Variants in CNGB1 observed in about 807,000 individuals in gnomAD.
CNGB1 encodes cyclic nucleotide gated channel subunit beta 1, also known as cyclic nucleotide-gated channel beta-1.
In CNGB1, 126 loss-of-function variants were observed where a neutral mutation model predicts 151.7. The observed-to-expected ratio is 0.83, with a 90% CI of 0.72 to 0.96. CNGB1 has a LOEUF of 0.96. Among genes scored for constraint, CNGB1 ranks in the 40% least tolerant of loss-of-function variants. The pLI is 0.00. For synonymous variants in CNGB1, 623 were observed against 635.1 expected, an observed-to-expected ratio of 0.98 and a Z score of 0.29; for missense variants, 1,698 against 1,627.0, an observed-to-expected ratio of 1.04 and a Z score of -0.75.
At chr16:57,967,745 T>C (rs1180463384) in intron 1 of CNGB1, among the ~76,000 whole-genome samples, 1 of 152,052 alleles carries the variant, frequency 6.6e-6, no homozygotes, top group Non-Finnish European at 1.5e-5. Flanking sequence ...GATATACATA[T>C]ACACATACAT....
At chr16:57,901,231 C>T (rs1960376154) in intron 29 of CNGB1, 121 bp downstream of exon 29, 1 of 992,572 alleles carries the variant, frequency 1.0e-6, no homozygotes, top group South Asian at 1.3e-5. Flanking sequence ...CGCAGACGCT[C>T]TTCTCCCTCC....
intron 17 of CNGB1, among the ~76,000 whole-genome samples, chr16:57,925,298 C>T (rs564262422): frequency 1.3e-5 from 2 of 152,240 alleles, no homozygotes; most frequent in African/African-American, 2.4e-5. Context: ...CCACCACGCC[C>T]GGCCTCTCTC....
intron 31 of CNGB1, among the ~76,000 whole-genome samples, chr16:57,890,671 G>A (rs980579890): frequency 8.5e-5 from 13 of 152,322 alleles, no homozygotes; most frequent in African/African-American, 3.1e-4. Context: ...GGTCAAGCCG[G>A]AGATCTCAGC....
chr16:57,962,532 A>C (rs774550577), intron 7 of CNGB1, 33 bp downstream of exon 7: 9 of 1,605,464 alleles, frequency 5.6e-6, no homozygotes, highest in Non-Finnish European at 6.8e-6. Context: ...CCACACATAC[A>C]GACAACAGTG....
chr16:57,962,728 G>T, intron 6 of CNGB1, 114 bp downstream of exon 6: 1 of 1,569,786 alleles, frequency 6.4e-7, no homozygotes. Context: ...AGCAGGGTCA[G>T]TCAGGTGAGA....
At chr16:57,929,933 A>G (rs1192018287) in intron 17 of CNGB1, among the ~76,000 whole-genome samples, 4 of 152,078 alleles carry the variant, frequency 2.6e-5, no homozygotes. Context: ...TCCAAAAAAT[A>G]AATAAATAAA....
At chr16:57,953,519 C>T (rs1962013225) in intron 12 of CNGB1, among the ~76,000 whole-genome samples, 1 of 148,584 alleles carries the variant, frequency 6.7e-6, no homozygotes, top group Non-Finnish European at 1.5e-5. Flanking sequence ...AAAAGAAAGT[C>T]AACAGCCTCA....
At chr16:57,908,224 G>A (rs1182189351) in intron 25 of CNGB1, among the ~76,000 whole-genome samples, 2 of 152,206 alleles carry the variant, frequency 1.3e-5, no homozygotes, top group African/African-American at 2.4e-5. Context: ...GCTCCCCCTC[G>A]GGGCAGGGCT....
Position 57,957,375 on chromosome 16 carries a change from C to A in CNGB1, c.840G>T (p.Glu280Asp), listed in dbSNP as rs1485311588. Residue 280 changes from glutamate to aspartate, a missense_variant and splice_region_variant, in exon 12 of 33, where the codon GAG becomes GAT. Physicochemically the swap from Glu to Asp is conservative, Grantham distance 45. Transcript: ENST00000251102. ...CATCACATATCCCAGGGGAGTCAGGCTCCTGCATGGAGAGAGAAAAAAGGG... is the reference window on the plus strand; with the variant it reads ...CATCACATATCCCAGGGGAGTCAGGATCCTGCATGGAGAGAGAAAAAAGGG... ...PVLHGKIGEQ[E>D]PDSPGICDVQ... 1 of 1,614,088 alleles carries A rather than the reference C, an allele frequency of 6.2e-7. No homozygotes were observed. Among genetic ancestry groups the A allele is most frequent in the South Asian group, 1.1e-5 (1 of 91,084 alleles).
At chr16:57,916,239 G>A in intron 21 of CNGB1, 60 bp from the exon 22 acceptor site, 1 of 1,525,810 alleles carries the variant, frequency 6.6e-7, no homozygotes, top group Non-Finnish European at 9.1e-7. Flanking sequence ...TGACCCTGTG[G>A]AGCAATTGTG....
chr16:57,914,358 C>A (rs1225104560), intron 23 of CNGB1, among the ~76,000 whole-genome samples: 1 of 152,192 alleles, frequency 6.6e-6, no homozygotes, highest in East Asian at 1.9e-4. Flanking sequence ...TTCCCCCTTC[C>A]TCTTGGCAGC....
chr16:57,965,106 A>G (rs1962357945), intron 2 of CNGB1, among the ~76,000 whole-genome samples: 1 of 124,354 alleles, frequency 8.0e-6, no homozygotes, highest in African/African-American at 2.8e-5. Context: ...ACATACACAG[A>G]CACATAAATG....
chr16:57,946,907 G>A (rs567875696), intron 14 of CNGB1, among the ~76,000 whole-genome samples: 44 of 152,330 alleles, frequency 2.9e-4, no homozygotes, highest in African/African-American at 1.0e-3. Flanking sequence ...AGATGTTCAC[G>A]CCTGCAGCAT....
Position 57,897,429 on chromosome 16 carries a change from A to G in CNGB1, c.3210T>C (p.Pro1070=), listed in dbSNP as rs1960261764. 6.2e-7 allele frequency: 1 copy of G among 1,614,100 alleles called. No individual in the cohort carries two copies. Among genetic ancestry groups the G allele is most frequent in the Non-Finnish European group, 8.5e-7 (1 of 1,180,036 alleles). ...KDLNEILVHY[P]ESQKLLRKKA... is the part of the protein sequence containing the mutation. ...TCTTCCGGAGTAACTTCTGAGACTC[A>G]GGATAATGCACCAAAATCTCATTCA... The change falls in exon 31 of 33, where the codon CCT becomes CCC. Residue 1070 remains proline (P), a synonymous_variant. Transcript: ENST00000251102.
rs745504458 is a variant in CNGB1, at chr16:57,887,894, C to T, written c.3423G>A (p.Ala1141=). 19 of 1,614,076 alleles carry T rather than the reference C, an allele frequency of 1.2e-5. No individual in the cohort carries two copies. Among genetic ancestry groups the T allele is most frequent in the Admixed American group, 1.7e-5 (1 of 60,006 alleles). Reference sequence around the variant, plus strand: ...CTTGCTGCTTTGCAGCCGCCTCCAGCGCGGCCAGTTCTTTGAGCCGGGCCC... The same window carrying T: ...CTTGCTGCTTTGCAGCCGCCTCCAGTGCGGCCAGTTCTTTGAGCCGGGCCC... ...HLRARLKELA[A]LEAAAKQQEL... is the part of the protein sequence containing the mutation. Residue 1141 remains alanine (A), a synonymous_variant, in exon 32 of 33, where the codon GCG becomes GCA. Coordinates refer to ENST00000251102, the MANE Select transcript of CNGB1 (RefSeq NM_001297.5).
intron 25 of CNGB1, among the ~76,000 whole-genome samples, chr16:57,910,671 G>GA (rs1457150309): frequency 8.5e-6 from 1 of 116,980 alleles, no homozygotes; most frequent in African/African-American, 3.7e-5. Context: ...ACCAAGCCCG[G>GA]CCTTTTTTTT....
Position 57,903,289 on chromosome 16 carries a change from C to T in CNGB1, c.2794+533G>A, listed in dbSNP as rs185458615. On this transcript the variant is annotated intron_variant, in intron 27 of 32. Transcript: ENST00000251102. ...GGCTAATCACCTGAGGTCAGGAGTCCGAGACCAGCCTGGCCAACATGGTGA... is the reference window on the plus strand; with the variant it reads ...GGCTAATCACCTGAGGTCAGGAGTCTGAGACCAGCCTGGCCAACATGGTGA... Among the ~76,000 whole-genome samples the T allele has an allele frequency of 1.9e-3, 293 of 150,774 alleles. 4 individuals are homozygous for T. The South Asian group carries it at 0.034, about 18-fold the overall frequency.
chr16:57,909,013 ACT>A (rs1259419272), intron 25 of CNGB1, among the ~76,000 whole-genome samples: 1 of 152,094 alleles, frequency 6.6e-6, no homozygotes, highest in African/African-American at 2.4e-5. Flanking sequence ...CACACCTGTA[ACT>A]CTAGCACTTT....
chr16:57,921,595 C>T (rs1395295641), intron 18 of CNGB1, among the ~76,000 whole-genome samples: 1 of 152,142 alleles, frequency 6.6e-6, no homozygotes, highest in African/African-American at 2.4e-5. Flanking sequence ...CACTCATTCT[C>T]TCCTGTGGTG....
Sources: gnomAD v4.1 joint callset for allele counts (sites outside exome capture counted in the v4.1 genomes callset) on GRCh38, gnomAD v4.1.1 for gene constraint, MANE v1.5 for transcripts, NCBI Gene and HGNC (gene_info 2026-07-23, HGNC 2026-07-21) for gene names.